The following PDE4A variants were observed in gnomAD, a reference collection of about 807,000 sequenced individuals.
The protein encoded by PDE4A is 3',5'-cyclic-AMP phosphodiesterase 4A.
A neutral mutation model predicts 73.9 loss-of-function variants in PDE4A; 21 were observed. The observed-to-expected ratio is 0.28, with a 90% confidence interval of 0.20 to 0.41. The LOEUF (loss-of-function observed/expected upper bound fraction) is 0.41. PDE4A is among the 10% of genes least tolerant of loss of function. The probability of loss-of-function intolerance (pLI) is 1.00; values close to 1 mark genes in which losing one functional copy is unlikely to be tolerated. For missense variants in PDE4A, 958 were observed against 1,211.4 expected (o/e 0.79, Z 3.10); for synonymous variants, 463 against 505.4 (o/e 0.92, Z 1.13).
rs762728861 is a variant in PDE4A at position 10,459,649 on chromosome 19, A to G, written c.1255A>G (p.Met419Val). 4 of 1,614,222 alleles carry G rather than the reference A, an allele frequency of 2.5e-6. No individual in the cohort carries two copies. In the Admixed American group the frequency reaches 5.0e-5, roughly 20 times the overall value. Residue 419 changes from methionine to valine, a missense_variant, in exon 10 of 15, where the codon ATG becomes GTG. Coordinates refer to ENST00000380702, the MANE Select transcript of PDE4A (RefSeq NM_001111307.2). ...RIPVDTMVTY[M>V]LTLEDHYHAD... ...CCCTGTGGACACGATGGTGACATAC[A>G]TGCTGACGCTGGAGGATCACTACCA... is the stretch of plus-strand genomic sequence containing the variant.
chr19:10,428,702 T>G (rs1200555734), intron 1 of PDE4A: 1 of 857,226 alleles, frequency 1.2e-6, no homozygotes, highest in Non-Finnish European at 1.4e-6. Flanking sequence ...CTCAATGAAA[T>G]GAAGTGACTA....
intron 1 of PDE4A, among the ~76,000 whole-genome samples, chr19:10,435,813 A>C (rs186054866): frequency 6.6e-6 from 1 of 151,738 alleles, no homozygotes; most frequent in Admixed American, 6.6e-5. Flanking sequence ...GGGAGGGGTG[A>C]CTCTCCATGG....
intron 1 of PDE4A, chr19:10,427,514 T>C: frequency 1.4e-5 from 14 of 985,414 alleles, no homozygotes; most frequent in Non-Finnish European, 1.7e-5. Flanking sequence ...CATTAGGCCA[T>C]GATCAAGGTT....
At position 10,469,137 on chromosome 19, in the gene PDE4A, T is replaced by C. The variant is rs1318327839; in HGVS notation, c.*1516T>C. ...TTTTTGTCCCAGCCGGCGATCGGAGTGGGCCTTTTCTTTCTTTTTGTTCAT... is the reference window on the plus strand; with the variant it reads ...TTTTTGTCCCAGCCGGCGATCGGAGCGGGCCTTTTCTTTCTTTTTGTTCAT... On this transcript the variant is annotated 3_prime_UTR_variant, in exon 15 of 15. Coordinates refer to ENST00000380702, the MANE Select transcript of PDE4A (RefSeq NM_001111307.2). 1 of 152,500 alleles carries C rather than the reference T, an allele frequency of 6.6e-6. No homozygotes were observed. Among genetic ancestry groups the C allele is most frequent in the Non-Finnish European group, 1.5e-5 (1 of 68,070 alleles). The allele number at this position is 152,500 out of a possible 1,614,324, so 9.4% of individuals were successfully genotyped here.
intron 7 of PDE4A, among the ~76,000 whole-genome samples, chr19:10,457,205 A>G (rs1237844249): frequency 6.6e-6 from 1 of 152,098 alleles, no homozygotes; most frequent in Admixed American, 6.6e-5. Flanking sequence ...TCTCAAGAAA[A>G]AAAGTGTTCG....
chr19:10,416,813 G>C (rs567728543), upstream of PDE4A: 6 of 1,521,030 alleles, frequency 3.9e-6, no homozygotes, highest in Non-Finnish European at 5.3e-6. Flanking sequence ...TGGCGGGGGC[G>C]GGTTCTAGGC....
In PDE4A at chr19:10,424,775, G is replaced by A. The variant is rs1413964376; in HGVS notation, c.320+3691G>A. ...CTGGAGGACAGGGAGGAACCTGGCC[G>A]AAAAGTTGCAGCCGTGGAGTTCCCG... On this transcript the variant is annotated intron_variant, in intron 1 of 14. Coordinates refer to ENST00000380702, the MANE Select transcript of PDE4A (RefSeq NM_001111307.2). The surrounding 1 kb of genome is among the most constrained non-coding windows in gnomAD (Gnocchi z 4.8). Among the ~76,000 whole-genome samples the A allele has an allele frequency of 6.6e-6, 1 of 152,264 alleles. No individual in the cohort carries two copies. Among genetic ancestry groups the A allele is most frequent in the Admixed American group, 6.5e-5 (1 of 15,286 alleles).
intron 7 of PDE4A, among the ~76,000 whole-genome samples, chr19:10,457,502 C>T (rs1263277790): frequency 1.3e-5 from 2 of 151,866 alleles, no homozygotes; most frequent in Admixed American, 6.6e-5. Flanking sequence ...GATGCCACCC[C>T]CCACACCAGC....
rs2043080530 is a variant in PDE4A, at chr19:10,450,952, G to A, written c.783+11G>A. On this transcript the variant is annotated intron_variant, in intron 6 of 14. Coordinates refer to ENST00000380702, the MANE Select transcript of PDE4A (RefSeq NM_001111307.2). ...ATGGCCTCGCACAAGGTGTGCAGGTGGTGGGCAGAACCCCTGGGCGGGGCA... is the reference window on the plus strand; with the variant it reads ...ATGGCCTCGCACAAGGTGTGCAGGTAGTGGGCAGAACCCCTGGGCGGGGCA... The A allele has an allele frequency of 6.3e-7, 1 of 1,582,780 alleles. No individual in the cohort carries two copies. The highest frequency in any genetic ancestry group is 8.6e-7 in the Non-Finnish European group (1 of 1,164,864).
At chr19:10,439,246 A>C (rs2042905172) in intron 1 of PDE4A, among the ~76,000 whole-genome samples, 1 of 151,126 alleles carries the variant, frequency 6.6e-6, no homozygotes, top group Non-Finnish European at 1.5e-5. Context: ...CAGTGGTGTG[A>C]TCTCGGTTCA....
Position 10,450,932 on chromosome 19 carries a change from C to T in PDE4A, c.774C>T (p.Ala258=). The T allele has an allele frequency of 6.3e-7, 1 of 1,598,936 alleles. No homozygotes were observed. Among genetic ancestry groups the T allele is most frequent in the Non-Finnish European group, 8.5e-7 (1 of 1,173,210 alleles). Residue 258 remains alanine, a synonymous_variant, in exon 6 of 15, where the codon GCC becomes GCT. Coordinates refer to ENST00000380702, the MANE Select transcript of PDE4A (RefSeq NM_001111307.2). ...MQTYRSVSEM[A]SHKFKRMLNR... ...CCTATCGCTCTGTCAGCGAGATGGC[C>T]TCGCACAAGGTGTGCAGGTGGTGGG...
chr19:10,437,427 CT>C (rs201031451), intron 1 of PDE4A, among the ~76,000 whole-genome samples: 10 of 149,260 alleles, frequency 6.7e-5, no homozygotes, highest in East Asian at 2.0e-4. Flanking sequence ...CGGCCTTTTT[CT>C]TTTTTTTTTG....
intron 6 of PDE4A, among the ~76,000 whole-genome samples, chr19:10,451,782 C>G (rs1157282209): frequency 6.6e-6 from 1 of 152,000 alleles, no homozygotes; most frequent in Non-Finnish European, 1.5e-5. Context: ...AGGAAGCAGG[C>G]AGTATGTGTG....
In PDE4A at chr19:10,469,445, C is replaced by G. The variant is rs1464878595; in HGVS notation, c.*1824C>G. On this transcript the variant is annotated 3_prime_UTR_variant, in exon 15 of 15. Coordinates refer to ENST00000380702, the MANE Select transcript of PDE4A (RefSeq NM_001111307.2). ...GGCTGGGCAGAGCCTGTCCCCTCCC[C>G]CCTTCTCCAGGAGCCAGGGGGTGAC... 1 of 152,288 alleles carries G rather than the reference C, an allele frequency of 6.6e-6. No homozygotes were observed. The highest frequency in any genetic ancestry group is 2.4e-5 in the African/African-American group (1 of 41,406). 9.4% of individuals were successfully genotyped at this position (152,288 alleles called of 1,614,324 possible).
At chr19:10,431,139 C>T in intron 1 of PDE4A, 1 of 1,258,626 alleles carries the variant, frequency 7.9e-7, no homozygotes, top group Non-Finnish European at 1.1e-6. Context: ...CCACCTGGCG[C>T]ACTCCAGGGT....
chr19:10,428,515 A>G (rs1180909341), intron 1 of PDE4A, among the ~76,000 whole-genome samples: 1 of 152,182 alleles, frequency 6.6e-6, no homozygotes, highest in Non-Finnish European at 1.5e-5. Flanking sequence ...TATACCCTCT[A>G]GCTAGTATAG....
chr19:10,466,046 A>G (rs903349796), intron 14 of PDE4A, among the ~76,000 whole-genome samples: 2 of 148,602 alleles, frequency 1.3e-5, no homozygotes, highest in Non-Finnish European at 3.0e-5. Context: ...TCTGATGCCT[A>G]GGCTGGAGTG....
chr19:10,443,700 G>A (rs1289116071), intron 1 of PDE4A, among the ~76,000 whole-genome samples: 4 of 151,726 alleles, frequency 2.6e-5, no homozygotes, highest in Non-Finnish European at 1.5e-5. Context: ...GCGATAGAGC[G>A]AGATTTCATC....
In PDE4A at chr19:10,428,673, A is replaced by T. The variant is rs75681283; in HGVS notation, c.320+7589A>T. 1,141 of 609,758 alleles carry T rather than the reference A, an allele frequency of 1.9e-3. 12 individuals are homozygous for T. The East Asian group carries it at 0.03, about 16-fold the overall frequency. The allele number at this position is 609,758 out of a possible 1,614,324, so 37.8% of individuals were successfully genotyped here. On this transcript the variant is annotated intron_variant, in intron 1 of 14. Coordinates refer to ENST00000380702, the MANE Select transcript of PDE4A (RefSeq NM_001111307.2). ...TGAGTGGTAGTATTATACCCATTTT[A>T]CAACTGGGGAAACTGAGGCTCAATG...
Sources: gnomAD v4.1 joint callset for allele counts (sites outside exome capture counted in the v4.1 genomes callset) on GRCh38, gnomAD v4.1.1 for gene constraint, Gnocchi (gnomAD v3.1) non-coding constraint, MANE v1.5 for transcripts, NCBI Gene and HGNC (gene_info 2026-07-23, HGNC 2026-07-21) for gene names.